Variants in C2CD5 observed in about 807,000 individuals in gnomAD.
C2CD5 encodes C2 calcium dependent domain containing 5.
In C2CD5, 109 loss-of-function variants were observed where a neutral mutation model predicts 130.3. That is an observed-to-expected ratio of 0.84 (90% confidence interval 0.72 to 0.98). C2CD5 has a LOEUF of 0.98. C2CD5 is among the 50% of genes least tolerant of loss of function. The pLI is 0.00. For missense variants in C2CD5, 996 were observed against 1,261.8 expected, an observed-to-expected ratio of 0.79 and a Z score of 3.19; for synonymous variants, 454 against 429.2, an observed-to-expected ratio of 1.06 and a Z score of -0.71.
Position 22,527,839 on chromosome 12 carries a change from A to G in C2CD5, c.231T>C (p.His77=). 6.2e-7 allele frequency: 1 copy of G among 1,611,730 alleles called. No individual in the cohort carries two copies. The highest frequency in any genetic ancestry group is 8.5e-7 in the Non-Finnish European group (1 of 1,178,210). The change falls in exon 4 of 27, where the codon CAT becomes CAC. Residue 77 remains histidine, a synonymous_variant. Coordinates refer to ENST00000446597, the MANE Select transcript of C2CD5 (RefSeq NM_001286176.2). Reference sequence around the variant, plus strand: ...TGGCATCATTTGCACTGTAAGTATCATGGTCAAGAACTGTGATCTGTAAAG... The same window carrying G: ...TGGCATCATTTGCACTGTAAGTATCGTGGTCAAGAACTGTGATCTGTAAAG... ...DEPLQITVLD[H]DTYSANDAIG... is the part of the protein sequence containing the mutation.
At chr12:22,476,064 T>C (rs1565683257) in intron 15 of C2CD5, among the ~76,000 whole-genome samples, 1 of 152,190 alleles carries the variant, frequency 6.6e-6, no homozygotes, top group African/African-American at 2.4e-5. Context: ...TCTAGATTCA[T>C]ACTGAAATTT....
At chr12:22,466,238 T>G (rs774037388) in intron 22 of C2CD5, among the ~76,000 whole-genome samples, 5 of 151,932 alleles carry the variant, frequency 3.3e-5, no homozygotes, top group African/African-American at 7.2e-5. Flanking sequence ...AATAAAAAAT[T>G]TTAACAATCA....
At chr12:22,476,975 G>C (rs1361726616) in intron 15 of C2CD5, among the ~76,000 whole-genome samples, 2 of 151,856 alleles carry the variant, frequency 1.3e-5, no homozygotes, top group Non-Finnish European at 1.5e-5. Context: ...GGTGCACAGA[G>C]AACTTTTACA....
chr12:22,480,891 A>T (rs1944613771), intron 14 of C2CD5, among the ~76,000 whole-genome samples: 1 of 152,070 alleles, frequency 6.6e-6, no homozygotes, highest in African/African-American at 2.4e-5. Flanking sequence ...TGCAGCCTCA[A>T]GCTCCCAGGC....
intron 12 of C2CD5, among the ~76,000 whole-genome samples, chr12:22,488,883 T>G (rs539853187): frequency 5.9e-5 from 9 of 151,736 alleles, no homozygotes; most frequent in Non-Finnish European, 7.4e-5. Flanking sequence ...TGCTTTTTTT[T>G]TTTTTTTAAA....
intron 3 of C2CD5, among the ~76,000 whole-genome samples, chr12:22,529,841 T>G (rs575330583): frequency 1.3e-5 from 2 of 151,906 alleles, no homozygotes; most frequent in South Asian, 4.1e-4. Flanking sequence ...TGGACTCCCC[T>G]TCACTCTAGC....
At chr12:22,466,831 T>C (rs1485077475) in intron 22 of C2CD5, among the ~76,000 whole-genome samples, 1 of 152,250 alleles carries the variant, frequency 6.6e-6, no homozygotes, top group Non-Finnish European at 1.5e-5. Context: ...GCACTTAGTA[T>C]AGAAAGTTTT....
chr12:22,524,112 A>G lies in C2CD5; in HGVS notation c.601+360T>C, dbSNP rs79160988. Among the ~76,000 whole-genome samples, 977 of 152,274 alleles carry G rather than the reference A, an allele frequency of 6.4e-3. 12 individuals carry two copies. The highest frequency in any genetic ancestry group is 0.023 in the African/African-American group (938 of 41,546). On this transcript the variant is annotated intron_variant, in intron 6 of 26. Transcript: ENST00000446597. ...CTGTGAAAAGGCAACATCTGAACAG[A>G]AAGTATGAGAGACAGAAGAAGGTGA...
chr12:22,527,747 C>T lies in C2CD5; in HGVS notation c.323G>A (p.Trp108Ter). 1 of 1,578,216 alleles carries T rather than the reference C, an allele frequency of 6.3e-7. No homozygotes were observed. The highest frequency in any genetic ancestry group is 1.2e-5 in the South Asian group (1 of 85,682). Residue 108 changes from tryptophan to a stop codon, truncating the protein, a stop_gained, in exon 4 of 27, where the codon TGG becomes TAG. Coordinates refer to ENST00000446597, the MANE Select transcript of C2CD5 (RefSeq NM_001286176.2). LOFTEE classifies it high-confidence loss of function. ...ATGTATGGTGTCATAAATTGGAAAC[C>T]ATCCTGAGATGACTGTTGCAGCTTC... is the stretch of plus-strand genomic sequence containing the variant. ...YSEAATVISGWFPIYDTIHGI... is the reference protein window; with the variant it reads ...YSEAATVISG
chr12:22,523,421 C>T lies in C2CD5; in HGVS notation c.800+5G>A. On this transcript the variant is annotated splice_donor_5th_base_variant and intron_variant, in intron 7 of 26. Transcript: ENST00000446597. ...GCAAGAACAATTTCATTGATTCATA[C>T]TTACTCCTTCATTTCTTTGGATGGG... is the stretch of plus-strand genomic sequence containing the variant. 6.2e-7 allele frequency: 1 copy of T among 1,606,608 alleles called. No individual in the cohort carries two copies. Among genetic ancestry groups the T allele is most frequent in the Non-Finnish European group, 8.5e-7 (1 of 1,173,394 alleles).
intron 24 of C2CD5, 78 bp from the exon 25 acceptor site, chr12:22,457,239 T>C (rs1341108977): frequency 2.0e-6 from 2 of 979,468 alleles, no homozygotes; most frequent in Admixed American, 5.3e-5. Context: ...TCCAAATAAG[T>C]GGTGACAACA....
intron 9 of C2CD5, among the ~76,000 whole-genome samples, chr12:22,508,773 A>G (rs1948860179): frequency 6.6e-6 from 1 of 152,086 alleles, no homozygotes; most frequent in African/African-American, 2.4e-5. Context: ...TTTCAGTGTT[A>G]GGATCACTTA....
chr12:22,484,127 G>T (rs1455803887), intron 13 of C2CD5, among the ~76,000 whole-genome samples: 1 of 152,160 alleles, frequency 6.6e-6, no homozygotes, highest in Non-Finnish European at 1.5e-5. Context: ...AGAAGGTGTA[G>T]CATCATGAAG....
intron 15 of C2CD5, among the ~76,000 whole-genome samples, chr12:22,475,655 T>C (rs1293001207): frequency 6.6e-6 from 1 of 152,080 alleles, no homozygotes; most frequent in African/African-American, 2.4e-5. Context: ...GTACATAAAA[T>C]TTTTCAAAAA....
At chr12:22,463,671 C>G (rs1941582258) in intron 22 of C2CD5, 1 of 152,132 alleles carries the variant, frequency 6.6e-6, no homozygotes. Flanking sequence ...AAGATAAATA[C>G]AGGAATAAAT....
rs1389682430 is a variant in C2CD5 at position 22,448,706 on chromosome 12, A to AT, written c.*1053dup. 1.3e-5 allele frequency: 2 copies of AT among 152,608 alleles called. No homozygotes were observed. Among genetic ancestry groups the AT allele is most frequent in the African/African-American group, 4.8e-5 (2 of 41,456 alleles). The allele number at this position is 152,608 out of a possible 1,614,324, so 9.5% of individuals were successfully genotyped here. On this transcript the variant is annotated 3_prime_UTR_variant, in exon 27 of 27. Transcript: ENST00000446597. ...GTTTGTTGTCCTGGGGGAAAAAATCATAAGTGTTATAAAGAAATATTATTG... is the reference window on the plus strand; with the variant it reads ...GTTTGTTGTCCTGGGGGAAAAAATCATTAAGTGTTATAAAGAAATATTATTG...
intron 2 of C2CD5, among the ~76,000 whole-genome samples, chr12:22,537,249 G>A (rs1357139844): frequency 1.3e-5 from 2 of 152,056 alleles, no homozygotes; most frequent in Non-Finnish European, 2.9e-5. Context: ...AAAGACTTTA[G>A]AAAAAAGGAA....
At chr12:22,492,407 G>A (rs1047362898) in intron 11 of C2CD5, among the ~76,000 whole-genome samples, 2 of 152,122 alleles carry the variant, frequency 1.3e-5, no homozygotes, top group African/African-American at 4.8e-5. Context: ...GTAGAAAAAC[G>A]TTAAGTTGTG....
At chr12:22,483,429 T>C (rs2136319819) in intron 13 of C2CD5, among the ~76,000 whole-genome samples, 1 of 152,166 alleles carries the variant, frequency 6.6e-6, no homozygotes, top group South Asian at 2.1e-4. Flanking sequence ...GACTAATAGA[T>C]TATTTCTCAA....
Sources: gnomAD v4.1 joint callset for allele counts (sites outside exome capture counted in the v4.1 genomes callset) on GRCh38, gnomAD v4.1.1 for gene constraint, MANE v1.5 for transcripts, NCBI Gene and HGNC (gene_info 2026-07-23, HGNC 2026-07-21) for gene names.